BLTP3A: variants seen among roughly 807,000 people sequenced by gnomAD.
BLTP3A encodes the protein ICBP90 binding protein 1.
chr6:34,838,496 C>CA, the BLTP3A span, among the ~76,000 whole-genome samples: 29,468 of 151,994 alleles, frequency 0.19, 3,398 homozygotes, highest in African/African-American at 0.31. Context: ...TCTCAAGCCA[C>CA]AAAAAATGCT....
chr6:34,867,912 A>G, the BLTP3A span, among the ~76,000 whole-genome samples: 3 of 152,200 alleles, frequency 2.0e-5, no homozygotes, highest in Non-Finnish European at 4.4e-5. Context: ...ACATAAAACT[A>G]TCTGATCAGG....
At chr6:34,857,003 A>C in the BLTP3A span, 1 of 1,548,256 alleles carries the variant, frequency 6.5e-7, no homozygotes. Flanking sequence ...CAGTATAAAC[A>C]AAGTTTTGGA....
At chr6:34,820,520 C>G in the BLTP3A span, among the ~76,000 whole-genome samples, 1 of 152,010 alleles carries the variant, frequency 6.6e-6, no homozygotes, top group Non-Finnish European at 1.5e-5. Flanking sequence ...TTTTGCTTCC[C>G]TCCACTTTAT....
the BLTP3A span, among the ~76,000 whole-genome samples, chr6:34,832,282 G>A: frequency 2.6e-5 from 4 of 151,514 alleles, no homozygotes; most frequent in Non-Finnish European, 5.9e-5. Flanking sequence ...CACTGTATCT[G>A]GCTAATTTTT....
At chr6:34,865,181 C>A in the BLTP3A span, among the ~76,000 whole-genome samples, 3 of 152,160 alleles carry the variant, frequency 2.0e-5, no homozygotes, top group African/African-American at 7.2e-5. Flanking sequence ...ACTAACATTT[C>A]CTCCTAACCC....
chr6:34,870,910 G>T, the BLTP3A span: 1 of 1,614,188 alleles, frequency 6.2e-7, no homozygotes, highest in South Asian at 1.1e-5. Flanking sequence ...GCCAGCTGTG[G>T]GCCTTCGCTT....
At chr6:34,799,916 T>TC in the BLTP3A span, among the ~76,000 whole-genome samples, 2 of 152,152 alleles carry the variant, frequency 1.3e-5, no homozygotes, top group Non-Finnish European at 2.9e-5. Flanking sequence ...TTTTTTTTTT[T>TC]CATTATCTTC....
the BLTP3A span, chr6:34,792,124 C>T: frequency 1.5e-6 from 1 of 660,274 alleles, no homozygotes; most frequent in South Asian, 3.2e-5. Context: ...GAGAAAGCGC[C>T]ATGGCGGCGG....
chr6:34,857,278 G>T, the BLTP3A span: 1 of 1,606,222 alleles, frequency 6.2e-7, no homozygotes, highest in South Asian at 1.1e-5. Flanking sequence ...AGAAATGGAG[G>T]GCTGCTCTAA....
At chr6:34,853,793 C>G in the BLTP3A span, among the ~76,000 whole-genome samples, 2 of 152,094 alleles carry the variant, frequency 1.3e-5, no homozygotes, top group African/African-American at 4.8e-5. Context: ...AACTCCTGAC[C>G]TCAAGTGAAC....
chr6:34,836,478 C>G, the BLTP3A span: 1 of 829,670 alleles, frequency 1.2e-6, no homozygotes, highest in South Asian at 1.7e-5. Flanking sequence ...TAATCACAGG[C>G]ATTCCTTGGG....
At chr6:34,806,613 T>C in the BLTP3A span, among the ~76,000 whole-genome samples, 1 of 152,210 alleles carries the variant, frequency 6.6e-6, no homozygotes, top group Admixed American at 6.5e-5. Context: ...TTCAAAGATA[T>C]ATGCTACACT....
the BLTP3A span, chr6:34,857,310 A>G: frequency 1.2e-6 from 2 of 1,613,510 alleles, no homozygotes; most frequent in Non-Finnish European, 1.7e-6. Context: ...GATACTAACA[A>G]AAAGTTGTGA....
the BLTP3A span, among the ~76,000 whole-genome samples, chr6:34,845,236 A>G: frequency 6.6e-6 from 1 of 152,104 alleles, no homozygotes; most frequent in African/African-American, 2.4e-5. Context: ...TTTTTATGCC[A>G]TGCTGTTTTG....
At chr6:34,797,062 G>GT in the BLTP3A span, among the ~76,000 whole-genome samples, 8 of 151,838 alleles carry the variant, frequency 5.3e-5, no homozygotes, top group South Asian at 2.1e-4. Flanking sequence ...ATACCTAGTA[G>GT]TTTTTTTTGG....
chr6:34,812,982 G>A, the BLTP3A span, among the ~76,000 whole-genome samples: 6 of 152,288 alleles, frequency 3.9e-5, no homozygotes, highest in Non-Finnish European at 7.3e-5. Context: ...ATATTTTGCT[G>A]TAGATTTGGG....
the BLTP3A span, chr6:34,835,537 G>A: frequency 1.0e-5 from 15 of 1,487,438 alleles, no homozygotes; most frequent in Non-Finnish European, 1.4e-5. Flanking sequence ...ACTAATGTAG[G>A]TGGAATCTAG....
chr6:34,830,598 A>G, the BLTP3A span, among the ~76,000 whole-genome samples: 1 of 151,214 alleles, frequency 6.6e-6, no homozygotes, highest in South Asian at 2.1e-4. Flanking sequence ...TCGGCGGGGA[A>G]AAAAAAAACC....
the BLTP3A span, among the ~76,000 whole-genome samples, chr6:34,849,587 G>C: frequency 1.3e-5 from 2 of 151,980 alleles, no homozygotes; most frequent in Admixed American, 1.3e-4. Context: ...TTCTATTCAA[G>C]ATATGAGTAG....
Sources: gnomAD v4.1 joint callset for allele counts (sites outside exome capture counted in the v4.1 genomes callset) on GRCh38, gnomAD v4.1.1 for gene constraint, MANE v1.5 for transcripts, NCBI Gene and HGNC (gene_info 2026-07-23, HGNC 2026-07-21) for gene names.